The following GALNTL6 variants were observed in gnomAD, a reference collection of about 807,000 sequenced individuals.
GALNTL6 encodes polypeptide N-acetylgalactosaminyltransferase like 6.
Under a neutral mutation model 73.7 loss-of-function variants are expected in GALNTL6, and 46 were observed. The ratio of observed to expected loss-of-function variants is 0.62; its 90% CI spans 0.49 to 0.80. GALNTL6 has a LOEUF of 0.80. GALNTL6 is among the 30% of genes least tolerant of loss of function. The pLI is 0.00. For missense variants in GALNTL6, 604 were observed against 755.0 expected (o/e 0.80, Z 2.34); for synonymous variants, 259 against 263.7 (o/e 0.98, Z 0.17).
At chr4:172,458,841 G>A (rs1277103300) in intron 5 of GALNTL6, among the ~76,000 whole-genome samples, 2 of 152,046 alleles carry the variant, frequency 1.3e-5, no homozygotes, top group Non-Finnish European at 2.9e-5. Context: ...AGAAAAAGAG[G>A]GAATCCTCCC....
chr4:172,417,781 T>C (rs2111355357), intron 5 of GALNTL6, among the ~76,000 whole-genome samples: 1 of 152,340 alleles, frequency 6.6e-6, no homozygotes, highest in South Asian at 2.1e-4. Flanking sequence ...AAGTGGAAAC[T>C]TACCATTCTG....
At chr4:172,362,888 T>TTTTCC (rs1742420160) in intron 5 of GALNTL6, among the ~76,000 whole-genome samples, 1 of 152,172 alleles carries the variant, frequency 6.6e-6, no homozygotes, top group African/African-American at 2.4e-5. Flanking sequence ...TTGTAGTCAT[T>TTTTCC]TTTCCTTCTC....
chr4:172,030,884 T>C (rs1430355531), intron 2 of GALNTL6, among the ~76,000 whole-genome samples: 1 of 152,064 alleles, frequency 6.6e-6, no homozygotes, highest in East Asian at 1.9e-4. Context: ...TAGTTTACTA[T>C]AGCATTATGT....
chr4:171,915,322 A>G (rs987924933), intron 2 of GALNTL6, among the ~76,000 whole-genome samples: 2 of 152,134 alleles, frequency 1.3e-5, no homozygotes, highest in Non-Finnish European at 2.9e-5. Flanking sequence ...TCTGTAGTTA[A>G]TCCCTTCTGA....
chr4:172,473,403 T>C (rs1008660794), intron 5 of GALNTL6, among the ~76,000 whole-genome samples: 2 of 152,212 alleles, frequency 1.3e-5, no homozygotes, highest in Non-Finnish European at 2.9e-5. Flanking sequence ...AAAAGAGTTA[T>C]GTATCATATA....
chr4:172,963,140 C>G (rs530660618), intron 10 of GALNTL6, among the ~76,000 whole-genome samples: 26 of 152,266 alleles, frequency 1.7e-4, no homozygotes, highest in Middle Eastern at 3.4e-3. Context: ...CGTCACCAGT[C>G]TTCACACAGG....
chr4:172,975,942 G>A (rs1257064537), intron 10 of GALNTL6, among the ~76,000 whole-genome samples: 5 of 152,128 alleles, frequency 3.3e-5, no homozygotes, highest in Admixed American at 3.3e-4. Context: ...TAAGAGTGCA[G>A]GGATGCACAG....
chr4:172,922,273 A>G (rs543179867), intron 8 of GALNTL6, among the ~76,000 whole-genome samples: 1 of 152,344 alleles, frequency 6.6e-6, no homozygotes, highest in Non-Finnish European at 1.5e-5. Flanking sequence ...CTTTATCAGC[A>G]GCATGAAAAC....
chr4:171,983,444 C>T (rs1347436456), intron 2 of GALNTL6, among the ~76,000 whole-genome samples: 2 of 151,616 alleles, frequency 1.3e-5, no homozygotes, highest in African/African-American at 4.8e-5. Flanking sequence ...CAGTTAAGGC[C>T]AGCTTCAGAG....
chr4:172,468,107 T>A (rs1219545227), intron 5 of GALNTL6, among the ~76,000 whole-genome samples: 1 of 152,024 alleles, frequency 6.6e-6, no homozygotes, highest in Non-Finnish European at 1.5e-5. Context: ...ACCCAGGCTG[T>A]TCTCAAACTC....
intron 9 of GALNTL6, among the ~76,000 whole-genome samples, chr4:172,940,666 TTTATTA>T (rs200767401): frequency 4.2e-5 from 5 of 119,578 alleles, no homozygotes; most frequent in East Asian, 4.5e-4. Context: ...CGGCCAACAT[TTTATTA>T]TTATTATTAT....
At chr4:172,582,034 T>C (rs540299678) in intron 5 of GALNTL6, among the ~76,000 whole-genome samples, 4 of 152,058 alleles carry the variant, frequency 2.6e-5, no homozygotes, top group African/African-American at 9.6e-5. Context: ...GTTGAGGGAG[T>C]CTGATGGTTT....
chr4:172,784,679 G>T (rs1187854527), intron 5 of GALNTL6, among the ~76,000 whole-genome samples: 2 of 152,100 alleles, frequency 1.3e-5, no homozygotes, highest in Non-Finnish European at 2.9e-5. Flanking sequence ...TTTCCCTAGG[G>T]TGTTTTAAAA....
At chr4:172,714,107 C>T (rs527656839) in intron 5 of GALNTL6, among the ~76,000 whole-genome samples, 1 of 152,012 alleles carries the variant, frequency 6.6e-6, no homozygotes, top group African/African-American at 2.4e-5. Context: ...ACAGACTGGT[C>T]CCCAGGAAAT....
At chr4:171,818,535 G>A (rs1734587589) in intron 2 of GALNTL6, among the ~76,000 whole-genome samples, 1 of 146,564 alleles carries the variant, frequency 6.8e-6, no homozygotes, top group African/African-American at 2.5e-5. Flanking sequence ...TGTTCAGAAT[G>A]ATTTTAGAAG....
chr4:172,627,566 A>G (rs1214042548), intron 5 of GALNTL6, among the ~76,000 whole-genome samples: 2 of 151,692 alleles, frequency 1.3e-5, no homozygotes, highest in Non-Finnish European at 2.9e-5. Flanking sequence ...TTTCAGTGGA[A>G]TTCGTATCAG....
chr4:172,795,712 T>G (rs769069553), intron 5 of GALNTL6, among the ~76,000 whole-genome samples: 7 of 152,220 alleles, frequency 4.6e-5, no homozygotes, highest in Non-Finnish European at 7.4e-5. Flanking sequence ...CTTAGTTATT[T>G]TTAAATGTGC....
At chr4:171,853,433 C>A (rs1735584247) in intron 2 of GALNTL6, among the ~76,000 whole-genome samples, 2 of 150,754 alleles carry the variant, frequency 1.3e-5, no homozygotes, top group South Asian at 4.2e-4. Flanking sequence ...CTGCCCTTTC[C>A]TTCTTCCCTT....
rs146855784 is a variant in GALNTL6, at chr4:172,569,265, G to A, written c.553+220576G>A. Among the ~76,000 whole-genome samples the A allele has an allele frequency of 1.4e-4, 21 of 152,242 alleles. No individual in the cohort carries two copies. The East Asian group carries it at 3.7e-3, about 27-fold the overall frequency. On this transcript the variant is annotated intron_variant, in intron 5 of 12. Transcript: ENST00000506823. ...CTGGTTCATAGACAGCTGTCTTCTT[G>A]CAGTGTCTTCACATGATGGAAAGGG...
Sources: allele counts gnomAD v4.1 joint callset (sites outside exome capture counted in the v4.1 genomes callset), GRCh38; gene constraint gnomAD v4.1.1; transcripts MANE v1.5; gene names NCBI Gene and HGNC (gene_info 2026-07-23, HGNC 2026-07-21).